Variants in PTK2 observed in about 807,000 individuals in gnomAD.
PTK2 encodes focal adhesion kinase 1.
PTK2 carries 45 observed loss-of-function variants against 150.1 expected under a neutral mutation model. The ratio of observed to expected loss-of-function variants is 0.30; its 90% confidence interval spans 0.24 to 0.38. PTK2 has a LOEUF of 0.38. Ranked by LOEUF, PTK2 falls within the 10% of genes least tolerant of loss-of-function variation. The pLI is 1.00. For synonymous variants in PTK2, 432 were observed against 449.2 expected (o/e 0.96, Z 0.48); for missense variants, 919 against 1,307.3 (o/e 0.70, Z 4.58).
intron 1 of PTK2, among the ~76,000 whole-genome samples, chr8:140,980,191 A>G (rs1487233165): frequency 6.6e-6 from 1 of 152,376 alleles, no homozygotes. Context: ...CTGCCCATCA[A>G]TTGTAGGCTA....
chr8:140,847,846 CA>C (rs908265885), intron 5 of PTK2, among the ~76,000 whole-genome samples: 1 of 152,144 alleles, frequency 6.6e-6, no homozygotes, highest in Non-Finnish European at 1.5e-5. Flanking sequence ...CCCATTTGTT[CA>C]AAGAGTCCCA....
intron 26 of PTK2, among the ~76,000 whole-genome samples, chr8:140,693,564 T>TAAAAAAAAA (rs377205785): frequency 2.8e-5 from 2 of 72,458 alleles, no homozygotes; most frequent in African/African-American, 1.2e-4. Flanking sequence ...TTGTCTCAAT[T>TAAAAAAAAA]AAAAAAAAAA....
At chr8:140,709,349 A>G (rs2100035510) in intron 23 of PTK2, among the ~76,000 whole-genome samples, 1 of 152,254 alleles carries the variant, frequency 6.6e-6, no homozygotes, top group African/African-American at 2.4e-5. Context: ...ATAAAAGGTA[A>G]AAAGTTGAAA....
chr8:140,674,346 G>A (rs374916423), exon 29 of PTK2: 2 of 1,608,296 alleles, frequency 1.2e-6, no homozygotes, highest in African/African-American at 1.3e-5. Flanking sequence ...GGCTGGCAAG[G>A]CTTCCCAGAT....
chr8:140,781,253 TG>T (rs1481318724), intron 14 of PTK2, among the ~76,000 whole-genome samples: 3 of 152,200 alleles, frequency 2.0e-5, no homozygotes, highest in Non-Finnish European at 4.4e-5. Context: ...ATTTTATATT[TG>T]GTAAGATGAT....
intron 5 of PTK2, among the ~76,000 whole-genome samples, chr8:140,849,446 C>T (rs1389170804): frequency 5.3e-5 from 8 of 152,204 alleles, no homozygotes; most frequent in Non-Finnish European, 1.0e-4. Flanking sequence ...TTCTTGACCA[C>T]CTGTCTTCCA....
intron 31 of PTK2, among the ~76,000 whole-genome samples, chr8:140,664,273 C>T (rs541631933): frequency 2.2e-4 from 34 of 152,170 alleles, no homozygotes; most frequent in African/African-American, 3.6e-4. Context: ...TGAGCCACTG[C>T]GCCTGGCCTG....
chr8:140,771,827 C>T (rs1209075687), intron 14 of PTK2, among the ~76,000 whole-genome samples: 2 of 150,212 alleles, frequency 1.3e-5, no homozygotes, highest in African/African-American at 2.5e-5. Context: ...CTCCCCCAAG[C>T]TGGAGTGCAA....
chr8:140,926,365 C>A (rs928992229), intron 1 of PTK2, among the ~76,000 whole-genome samples: 3 of 152,144 alleles, frequency 2.0e-5, no homozygotes, highest in Admixed American at 6.5e-5. Context: ...CACAGTTAAA[C>A]CACCACCTAT....
At chr8:140,918,604 G>A (rs1012518745) in intron 2 of PTK2, among the ~76,000 whole-genome samples, 2 of 152,002 alleles carry the variant, frequency 1.3e-5, no homozygotes, top group Non-Finnish European at 2.9e-5. Flanking sequence ...AAATTCAACC[G>A]CACAGTGAGC....
rs138602996 is a variant in PTK2, at chr8:140,893,805, A to G, written c.-32-3036T>C. On this transcript the variant is annotated intron_variant, in intron 2 of 31. Transcript: ENST00000522684. ...ATGGGAATTTTACCTCTGTGAAAAT[A>G]TAAATATATAAACAACTGTCAAATA... 6.8e-4 allele frequency among the ~76,000 whole-genome samples: 103 copies of G among 152,362 alleles called. 4 individuals carry two copies. The East Asian group carries it at 0.017, about 25-fold the overall frequency.
chr8:140,805,326 T>C (rs573978944), intron 10 of PTK2, among the ~76,000 whole-genome samples: 2 of 152,166 alleles, frequency 1.3e-5, no homozygotes, highest in South Asian at 4.2e-4. Context: ...TTTGGTAGGA[T>C]GAGGCGGGTG....
At chr8:140,736,415 T>C (rs867115859) in intron 21 of PTK2, among the ~76,000 whole-genome samples, 70 of 152,012 alleles carry the variant, frequency 4.6e-4, no homozygotes, top group Middle Eastern at 3.2e-3. Context: ...AAAGTACCCA[T>C]TGGGTACTAT....
At chr8:140,933,043 G>T (rs1041253532) in intron 1 of PTK2, among the ~76,000 whole-genome samples, 1 of 152,030 alleles carries the variant, frequency 6.6e-6, no homozygotes, top group African/African-American at 2.4e-5. Context: ...TAGAGATGGG[G>T]TTTCACCATG....
At chr8:141,001,468 T>A (rs1463143417), upstream of PTK2, 5 of 152,002 alleles carry the variant, frequency 3.3e-5, no homozygotes, top group African/African-American at 1.2e-4. Flanking sequence ...TGTCCTGTAG[T>A]GACCGCGCCG....
chr8:140,717,062 C>T (rs537372308), intron 23 of PTK2, among the ~76,000 whole-genome samples: 8 of 152,208 alleles, frequency 5.3e-5, no homozygotes, highest in South Asian at 2.1e-4. Context: ...AGGATGCTGC[C>T]GGAAGATCTT....
rs573639939 is a variant in PTK2, at chr8:140,782,296, G to A, written c.1177+7178C>T. 8.0e-5 allele frequency among the ~76,000 whole-genome samples: 12 copies of A among 150,070 alleles called. No homozygotes were observed. The South Asian group carries it at 2.5e-3, about 32-fold the overall frequency. On this transcript the variant is annotated intron_variant, in intron 14 of 31. Transcript: ENST00000522684. ...TCCTCTCTTTGTCACCCAGAATGGA[G>A]TACAGTGGGGTGATCTCAGCTCACT...
At chr8:140,747,450 G>C (rs2100059691) in intron 17 of PTK2, among the ~76,000 whole-genome samples, 1 of 51,212 alleles carries the variant, frequency 2.0e-5, no homozygotes, top group African/African-American at 9.1e-5. Context: ...AAAGGGGGGG[G>C]GAAGAGGAGG....
intron 3 of PTK2, among the ~76,000 whole-genome samples, chr8:140,883,924 G>C (rs1397585212): frequency 6.6e-6 from 1 of 152,044 alleles, no homozygotes; most frequent in South Asian, 2.1e-4. Flanking sequence ...GCAGGGATGT[G>C]CTGTTTTCTG....
Sources: allele counts gnomAD v4.1 joint callset (sites outside exome capture counted in the v4.1 genomes callset), GRCh38; gene constraint gnomAD v4.1.1; transcripts MANE v1.5; gene names NCBI Gene and HGNC (gene_info 2026-07-23, HGNC 2026-07-21).